The following TACC2 variants were observed in gnomAD, a reference collection of about 807,000 sequenced individuals.
TACC2 encodes the protein transforming acidic coiled-coil-containing protein 2.
Under a neutral mutation model 227.3 loss-of-function variants are expected in TACC2, and 137 were observed. The observed-to-expected ratio is 0.60, with a 90% CI of 0.52 to 0.69. TACC2 has a LOEUF of 0.69. TACC2 is among the 30% of genes least tolerant of loss of function. The pLI is 0.00. For missense variants in TACC2, 3,470 were observed against 3,694.4 expected, an observed-to-expected ratio of 0.94 and a Z score of 1.57; for synonymous variants, 1,523 against 1,487.5, an observed-to-expected ratio of 1.02 and a Z score of -0.55.
chr10:122,018,451 G>C (rs1956958559), intron 1 of TACC2, among the ~76,000 whole-genome samples: 1 of 152,114 alleles, frequency 6.6e-6, no homozygotes. Flanking sequence ...GTGGCATTTA[G>C]TATATCACAA....
At chr10:122,020,684 G>A (rs1305723578) in intron 1 of TACC2, among the ~76,000 whole-genome samples, 2 of 152,166 alleles carry the variant, frequency 1.3e-5, no homozygotes, top group Non-Finnish European at 2.9e-5. Flanking sequence ...TCCCCAAACT[G>A]AGTCTTTGGC....
chr10:122,083,235 T>G lies in TACC2; in HGVS notation c.735T>G (p.Ser245=). 6.2e-7 allele frequency: 1 copy of G among 1,613,424 alleles called. No homozygotes were observed. Among genetic ancestry groups the G allele is most frequent in the Non-Finnish European group, 8.5e-7 (1 of 1,179,962 alleles). ...PPAESRQGVA[S]VQVTPEAPAA... ...CAGAGTCCAGGCAGGGGGTGGCTTC[T>G]GTGCAAGTGACCCCTGAGGCCCCTG... The change falls in exon 4 of 23, where the codon TCT becomes TCG. Residue 245 remains serine, a synonymous_variant. Coordinates refer to ENST00000369005, the MANE Select transcript of TACC2 (RefSeq NM_206862.4).
Position 122,152,999 on chromosome 10 carries a change from C to CTTTCTTTTTT in TACC2, c.5834+9296_5834+9297insCTTTTTTTTT, listed in dbSNP as rs71026005. On this transcript the variant is annotated intron_variant, in intron 7 of 22. Transcript: ENST00000369005. ...GCTTTTGATATATATTTCTTTCTTT[C>CTTTCTTTTTT]TTTTTTTTTTGAGACGGAGTCTCAC... Among the ~76,000 whole-genome samples, 19 of 135,030 alleles carry CTTTCTTTTTT rather than the reference C, an allele frequency of 1.4e-4. 3 individuals are homozygous for CTTTCTTTTTT. Among genetic ancestry groups the CTTTCTTTTTT allele is most frequent in the African/African-American group, 2.7e-4 (10 of 37,616 alleles). 88.6% of individuals were successfully genotyped at this position (135,030 alleles called of 152,430 possible). A position where few individuals can be genotyped will look rare whatever the true frequency, so the allele number is the denominator to read the frequency against.
rs928855511 is a variant in TACC2 at position 122,066,510 on chromosome 10, G to A, written c.146+15960G>A. Reference sequence around the variant, plus strand: ...TCTCGAACCCCTAACCTTGTGATCCGCCTGCCTTGGCCTCCCGAAGTGCTG... The same window carrying A: ...TCTCGAACCCCTAACCTTGTGATCCACCTGCCTTGGCCTCCCGAAGTGCTG... On this transcript the variant is annotated intron_variant, in intron 3 of 22. Transcript: ENST00000369005. Among the ~76,000 whole-genome samples, 4 of 152,162 alleles carry A rather than the reference G, an allele frequency of 2.6e-5. No individual in the cohort carries two copies. The East Asian group carries it at 5.8e-4, about 22-fold the overall frequency.
chr10:122,184,742 A>G (rs1286766716), intron 7 of TACC2, among the ~76,000 whole-genome samples: 1 of 152,190 alleles, frequency 6.6e-6, no homozygotes, highest in Non-Finnish European at 1.5e-5. Flanking sequence ...TCTTTGTGTA[A>G]GTTTATATAT....
chr10:122,217,246 A>T (rs1168239744), intron 11 of TACC2, among the ~76,000 whole-genome samples: 2 of 151,932 alleles, frequency 1.3e-5, no homozygotes, highest in African/African-American at 4.8e-5. Context: ...TAGGCCCCAT[A>T]CTGTGTTCAG....
chr10:122,074,373 C>A (rs1479944822), intron 3 of TACC2, among the ~76,000 whole-genome samples: 1 of 152,114 alleles, frequency 6.6e-6, no homozygotes, highest in Non-Finnish European at 1.5e-5. Context: ...ACCCACTGTG[C>A]CCAGCCTAGG....
Position 122,086,062 on chromosome 10 carries a change from G to A in TACC2, c.3562G>A (p.Ala1188Thr), listed in dbSNP as rs2080064529. 1 of 1,613,804 alleles carries A rather than the reference G, an allele frequency of 6.2e-7. No individual in the cohort carries two copies. Among genetic ancestry groups the A allele is most frequent in the Non-Finnish European group, 8.5e-7 (1 of 1,180,024 alleles). The change falls in exon 4 of 23, where the codon GCC becomes ACC. Residue 1188 changes from alanine (A) to threonine (T), a missense_variant. Around this residue, in one of 10 missense-constraint regions of TACC2, gnomAD observed 1,924 missense variants for 1,978.3 expected, o/e 0.97. Transcript: ENST00000369005. ...GTCCTGCCAAGCTGAGCACCCCATG[G>A]CCAGCTGCCAGGATGCCTTGCTGCC... ...RESCQAEHPM[A>T]SCQDALLPAR...
At chr10:122,234,485 A>G (rs1228841394) in intron 16 of TACC2, among the ~76,000 whole-genome samples, 2 of 152,258 alleles carry the variant, frequency 1.3e-5, no homozygotes, top group Non-Finnish European at 2.9e-5. Flanking sequence ...GTCTGATCTT[A>G]AAATATCAGC....
chr10:122,047,053 G>A (rs2075083926), intron 2 of TACC2, among the ~76,000 whole-genome samples: 1 of 151,780 alleles, frequency 6.6e-6, no homozygotes, highest in Admixed American at 6.6e-5. Flanking sequence ...CACTTTGGGA[G>A]GCTGAGGCGG....
intron 5 of TACC2, among the ~76,000 whole-genome samples, chr10:122,117,100 T>G (rs746511424): frequency 5.3e-5 from 8 of 152,104 alleles, no homozygotes; most frequent in Non-Finnish European, 1.0e-4. Flanking sequence ...AAAATCAGCA[T>G]GCTCACAACA....
Position 122,194,272 on chromosome 10 carries a change from T to C in TACC2, c.5835-768T>C, listed in dbSNP as rs997884522. 2.0e-5 allele frequency among the ~76,000 whole-genome samples: 3 copies of C among 152,192 alleles called. No individual in the cohort carries two copies. Among genetic ancestry groups the C allele is most frequent in the African/African-American group, 7.2e-5 (3 of 41,444 alleles). On this transcript the variant is annotated intron_variant, in intron 7 of 22. Coordinates refer to ENST00000369005, the MANE Select transcript of TACC2 (RefSeq NM_206862.4). This position sits in a 1 kb window ranked among gnomAD's most constrained non-coding sequence, Gnocchi z 4.4. ...CCAAGGCTTGGCCAGTGGCCTCTCC[T>C]TGTTAGTGGGCAGAGTTTCTCCACA...
At chr10:122,000,361 A>G (rs1439214031) in intron 1 of TACC2, among the ~76,000 whole-genome samples, 1 of 152,152 alleles carries the variant, frequency 6.6e-6, no homozygotes, top group Non-Finnish European at 1.5e-5. Flanking sequence ...CCTGGGCGAC[A>G]GAATGAGGCT....
intron 5 of TACC2, among the ~76,000 whole-genome samples, chr10:122,100,946 G>A (rs960409903): frequency 2.6e-5 from 4 of 152,238 alleles, no homozygotes; most frequent in Admixed American, 2.6e-4. Context: ...TCTGGTTCAA[G>A]AGGCTCAGAC....
chr10:122,085,962 T>A lies in TACC2; in HGVS notation c.3462T>A (p.Thr1154=). The A allele has an allele frequency of 1.2e-6, 2 of 1,613,862 alleles. No individual in the cohort carries two copies. Among genetic ancestry groups the A allele is most frequent in the Non-Finnish European group, 1.7e-6 (2 of 1,179,932 alleles). ...QQAPEKPGEA[T]LSCGLLQTEH... The stretch of plus-strand genomic sequence containing the variant: ...CTCCGGAGAAACCTGGAGAAGCTAC[T>A]TTGAGTTGTGGCCTCCTTCAGACTG... Residue 1154 remains threonine, a synonymous_variant, in exon 4 of 23, where the codon ACT becomes ACA. Transcript: ENST00000369005.
In TACC2 at chr10:122,085,538, G is replaced by A; in HGVS notation, c.3038G>A (p.Arg1013Lys). Residue 1013 changes from arginine (R) to lysine (K), a missense_variant, in exon 4 of 23, where the codon AGG becomes AAG. Arg to Lys is a conservative substitution (Grantham distance 26). Coordinates refer to ENST00000369005, the MANE Select transcript of TACC2 (RefSeq NM_206862.4). ...AGCCAGCATGAAGAAGCATGTCAAAGGCATCCAGGAGCTTCTGAAGCAGCT... is the reference window on the plus strand; with the variant it reads ...AGCCAGCATGAAGAAGCATGTCAAAAGCATCCAGGAGCTTCTGAAGCAGCT... Reference protein sequence around the residue: ...EGSQHEEACQRHPGASEAADG... With the variant: ...EGSQHEEACQKHPGASEAADG... 1.9e-6 allele frequency: 3 copies of A among 1,613,404 alleles called. No individual in the cohort carries two copies. The highest frequency in any genetic ancestry group is 2.5e-6 in the Non-Finnish European group (3 of 1,180,040).
At chr10:122,073,126 A>AAAAT (rs1383487943) in intron 3 of TACC2, among the ~76,000 whole-genome samples, 226 of 70,888 alleles carry the variant, frequency 3.2e-3, no homozygotes, top group African/African-American at 8.6e-3. Flanking sequence ...AAAAAAAAAA[A>AAAAT]ATATATATAT....
At position 122,097,569 on chromosome 10, in the gene TACC2, C is replaced by T. The variant is rs1475445465; in HGVS notation, c.5573+8978C>T. Reference sequence around the variant, plus strand: ...AAGTGGCCCCAGGGGACGGGGAGGGCCCTGGGAGTAGGAGGGAGGAGAAAT... The same window carrying T: ...AAGTGGCCCCAGGGGACGGGGAGGGTCCTGGGAGTAGGAGGGAGGAGAAAT... On this transcript the variant is annotated intron_variant, in intron 5 of 22. Coordinates refer to ENST00000369005, the MANE Select transcript of TACC2 (RefSeq NM_206862.4). 2.6e-5 allele frequency among the ~76,000 whole-genome samples: 4 copies of T among 151,692 alleles called. No homozygotes were observed. The South Asian group carries it at 8.4e-4, about 32-fold the overall frequency.
At chr10:122,118,028 T>C (rs2085036059) in intron 5 of TACC2, among the ~76,000 whole-genome samples, 1 of 151,240 alleles carries the variant, frequency 6.6e-6, no homozygotes, top group Non-Finnish European at 1.5e-5. Flanking sequence ...TTTTTTTTTT[T>C]TTTGAGATGG....
Sources: gnomAD v4.1 joint callset for allele counts (sites outside exome capture counted in the v4.1 genomes callset) on GRCh38, gnomAD v4.1.1 for gene constraint, gnomAD v4.1.1 regional missense constraint, Gnocchi (gnomAD v3.1) non-coding constraint, MANE v1.5 for transcripts, NCBI Gene and HGNC (gene_info 2026-07-23, HGNC 2026-07-21) for gene names.